CLTRN: variants seen among roughly 807,000 people sequenced by gnomAD.
CLTRN encodes the protein collectrin.
A neutral mutation model predicts 14.5 loss-of-function variants in CLTRN; 12 were observed. The ratio of observed to expected loss-of-function variants is 0.83; its 90% CI spans 0.53 to 1.34. The LOEUF (loss-of-function observed/expected upper bound fraction) is 1.34, where lower values mean the gene tolerates loss of function less well. Ranked by LOEUF, CLTRN falls within the 40% of genes most tolerant of loss-of-function variation. The pLI is 0.00. For synonymous variants in CLTRN, 58 were observed against 56.5 expected (o/e 1.03, Z -0.12); for missense variants, 154 against 165.1 (o/e 0.93, Z 0.37).
intron 5 of CLTRN, among the ~76,000 whole-genome samples, chrX:15,630,840 C>T (rs1928677907): frequency 9.0e-6 from 1 of 111,572 alleles, no homozygotes; most frequent in African/African-American, 3.3e-5. Flanking sequence ...TGAGAGGATC[C>T]TTCCAGGTGA....
intron 3 of CLTRN, among the ~76,000 whole-genome samples, chrX:15,651,095 T>C (rs1929202310): frequency 9.0e-6 from 1 of 111,363 alleles, no homozygotes; most frequent in South Asian, 3.8e-4. Flanking sequence ...CCTGTGGGAC[T>C]GAGGTGAAAA....
intron 2 of CLTRN, 55 bp downstream of exon 2, chrX:15,664,282 G>T: frequency 1.1e-6 from 1 of 935,733 alleles, no homozygotes; most frequent in Non-Finnish European, 1.5e-6. Context: ...ATTAGAGAAA[G>T]CACAGTGTTA....
At chrX:15,658,834 T>C (rs1929433943) in intron 3 of CLTRN, among the ~76,000 whole-genome samples, 182 bp downstream of exon 3, 1 of 110,543 alleles carries the variant, frequency 9.0e-6, no homozygotes, top group Middle Eastern at 5.0e-3. Flanking sequence ...AGAGCATTGT[T>C]GGAACATGAT....
chrX:15,651,871 G>A, intron 3 of CLTRN, among the ~76,000 whole-genome samples: 2 of 111,892 alleles, frequency 1.8e-5, no homozygotes, highest in Middle Eastern at 9.1e-3. Flanking sequence ...AGAAAAGAGA[G>A]GCAGGGAGGG....
intron 2 of CLTRN, 91 bp from the exon 3 acceptor site, chrX:15,659,192 CCA>C (rs374840378): frequency 0.039 from 11,564 of 295,458 alleles, no homozygotes; most frequent in East Asian, 0.052. Context: ...CTCTCTCTCT[CCA>C]CACACACACA....
At chrX:15,632,505 G>C (rs779160692) in intron 5 of CLTRN, among the ~76,000 whole-genome samples, 17 of 110,528 alleles carry the variant, frequency 1.5e-4, no homozygotes, top group East Asian at 1.1e-3. Flanking sequence ...TTGAACCCGG[G>C]AGGTGGAGGT....
chrX:15,667,289 T>C (rs1425015598), upstream of CLTRN, among the ~76,000 whole-genome samples: 1 of 111,952 alleles, frequency 8.9e-6, no homozygotes, highest in Non-Finnish European at 1.9e-5. Context: ...TGCTTCAGCT[T>C]TCCTTTAGCC....
intron 3 of CLTRN, among the ~76,000 whole-genome samples, chrX:15,655,878 T>C (rs1203588057): frequency 8.9e-6 from 1 of 112,106 alleles, no homozygotes. Flanking sequence ...TGAGCACTTC[T>C]CTACCTGACT....
intron 5 of CLTRN, among the ~76,000 whole-genome samples, chrX:15,632,696 C>T (rs1928724229): frequency 9.3e-6 from 1 of 107,584 alleles, no homozygotes; most frequent in East Asian, 2.9e-4. Context: ...TCAAGACCAC[C>T]CTGGCTGACA....
At chrX:15,650,242 TA>T (rs1190755990) in intron 3 of CLTRN, among the ~76,000 whole-genome samples, 1 of 108,708 alleles carries the variant, frequency 9.2e-6, no homozygotes, top group Non-Finnish European at 1.9e-5. Flanking sequence ...AACTCTTTTG[TA>T]AATCTTTTTA....
chrX:15,657,684 T>A (rs1929407178), intron 3 of CLTRN, among the ~76,000 whole-genome samples: 1 of 111,340 alleles, frequency 9.0e-6, no homozygotes, highest in Admixed American at 9.5e-5. Flanking sequence ...TTATTTTTAT[T>A]GAAAAAAGTT....
chrX:15,673,832 T>C (rs1929764172), intron 1 of CLTRN, among the ~76,000 whole-genome samples: 1 of 112,194 alleles, frequency 8.9e-6, no homozygotes, highest in Admixed American at 9.4e-5. Context: ...TCTATACAAG[T>C]GAAAAGGGAA....
intron 3 of CLTRN, among the ~76,000 whole-genome samples, chrX:15,653,773 C>T (rs938363939): frequency 1.8e-5 from 2 of 111,855 alleles, no homozygotes; most frequent in Non-Finnish European, 3.8e-5. Context: ...ATGCAGAGTC[C>T]GAGAAGGGCA....
intron 3 of CLTRN, chrX:15,646,458 A>AACCCCCCCCCCCCCCCCC: frequency 1.3e-5 from 3 of 228,796 alleles, no homozygotes; most frequent in Admixed American, 6.1e-5. Flanking sequence ...AAAACCGCGC[A>AACCCCCCCCCCCCCCCCC]CCCACCCCCC....
At chrX:15,650,137 G>T (rs2147205965) in intron 3 of CLTRN, among the ~76,000 whole-genome samples, 1 of 101,545 alleles carries the variant, frequency 9.8e-6, no homozygotes, top group South Asian at 4.8e-4. Context: ...AATGTCTCCA[G>T]AAATTGCCAG....
intron 5 of CLTRN, among the ~76,000 whole-genome samples, chrX:15,637,791 G>T (rs768148296): frequency 1.8e-5 from 2 of 112,041 alleles, no homozygotes; most frequent in Admixed American, 1.9e-4. Flanking sequence ...ATCCCACCAA[G>T]TTAATTATTT....
At chrX:15,644,156 T>C (rs1929004290) in intron 4 of CLTRN, among the ~76,000 whole-genome samples, 1 of 112,248 alleles carries the variant, frequency 8.9e-6, no homozygotes, top group African/African-American at 3.2e-5. Flanking sequence ...TGTAAAATAC[T>C]TGAAATGGGC....
At chrX:15,674,914 C>T (rs1413699557) in intron 1 of CLTRN, 1 of 114,515 alleles carries the variant, frequency 8.7e-6, no homozygotes, top group Non-Finnish European at 1.9e-5. Flanking sequence ...AAGGTTGTAG[C>T]GTGTGGCCTG....
At chrX:15,651,616 G>A (rs1277160014) in intron 3 of CLTRN, among the ~76,000 whole-genome samples, 4 of 111,417 alleles carry the variant, frequency 3.6e-5, no homozygotes, top group Non-Finnish European at 7.5e-5. Context: ...AGGGTCACTA[G>A]GGAGATTATC....
Sources: allele counts gnomAD v4.1 joint callset (sites outside exome capture counted in the v4.1 genomes callset), GRCh38; gene constraint gnomAD v4.1.1; transcripts MANE v1.5; gene names NCBI Gene and HGNC (gene_info 2026-07-23, HGNC 2026-07-21).